The following CHD7 variants were observed in gnomAD, a reference collection of about 807,000 sequenced individuals.
CHD7 encodes the protein chromodomain helicase DNA binding protein 7, also known as ATP-dependent chromatin remodeler CHD7.
In CHD7, 24 loss-of-function variants were observed where a neutral mutation model predicts 307.3. The ratio of observed to expected loss-of-function variants is 0.08; its 90% CI spans 0.06 to 0.11. The LOEUF is 0.11. CHD7 is among the 10% of genes least tolerant of loss of function. CHD7 has a pLI of 1.00. For missense variants in CHD7, 3,106 were observed against 3,727.1 expected, an observed-to-expected ratio of 0.83 and a Z score of 4.34; for synonymous variants, 1,363 against 1,349.9, an observed-to-expected ratio of 1.01 and a Z score of -0.21.
At chr8:60,701,458 G>A (rs1036897347) in intron 1 of CHD7, among the ~76,000 whole-genome samples, 3 of 152,200 alleles carry the variant, frequency 2.0e-5, no homozygotes, top group Non-Finnish European at 2.9e-5. Flanking sequence ...GGTTGGTTAG[G>A]ACAGATGGGA....
In CHD7 at chr8:60,753,993, T is replaced by A. The variant is rs1010580890; in HGVS notation, c.1665+10896T>A. Among the ~76,000 whole-genome samples the A allele has an allele frequency of 2.0e-5, 3 of 152,310 alleles. No homozygotes were observed. The East Asian group carries it at 5.8e-4, about 29-fold the overall frequency. On this transcript the variant is annotated intron_variant, in intron 2 of 37. Transcript: ENST00000423902. ...GCCATGTTAGATGCTAGAGTGGTAT[T>A]TCATACTGAATATAAATTTAATTCC... is the stretch of plus-strand genomic sequence containing the variant.
chr8:60,860,037 T>C (rs573565697), intron 34 of CHD7, among the ~76,000 whole-genome samples: 2 of 152,214 alleles, frequency 1.3e-5, no homozygotes, highest in South Asian at 4.1e-4. Flanking sequence ...GCCTGGGCCA[T>C]GGTAGAGCTG....
Position 60,794,860 on chromosome 8 carries a change from T to A in CHD7, c.2097-126T>A, listed in dbSNP as rs910468624. On this transcript the variant is annotated intron_variant, in intron 3 of 37. Transcript: ENST00000423902. ...CTTAATTGGGAGTTGCATTTAACTG[T>A]AAATAGCCAATATGTATGGATTTAT... is the stretch of plus-strand genomic sequence containing the variant. The A allele has an allele frequency of 4.7e-6, 4 of 849,054 alleles. No individual in the cohort carries two copies. The African/African-American group carries it at 6.8e-5, about 15-fold the overall frequency. 52.6% of individuals were successfully genotyped at this position (849,054 alleles called of 1,614,324 possible).
chr8:60,775,521 C>A (rs937940750), intron 2 of CHD7, among the ~76,000 whole-genome samples: 1 of 152,178 alleles, frequency 6.6e-6, no homozygotes, highest in Non-Finnish European at 1.5e-5. Flanking sequence ...TGGACAGATA[C>A]ACATGCTTAC....
intron 19 of CHD7, among the ~76,000 whole-genome samples, chr8:60,840,643 A>G (rs945274311): frequency 1.4e-5 from 2 of 147,428 alleles, no homozygotes; most frequent in Non-Finnish European, 3.0e-5. Context: ...TTTTTGACAG[A>G]GTCTTGCTCT....
chr8:60,714,885 C>G (rs1807507775), intron 1 of CHD7, among the ~76,000 whole-genome samples: 1 of 152,248 alleles, frequency 6.6e-6, no homozygotes, highest in Admixed American at 6.5e-5. Context: ...ATAGCTCTAT[C>G]AGAAAGGTGC....
At position 60,795,088 on chromosome 8, in the gene CHD7, A is replaced by G. The variant is rs775076971; in HGVS notation, c.2199A>G (p.Pro733=). The G allele has an allele frequency of 1.9e-6, 3 of 1,613,738 alleles. No homozygotes were observed. Among genetic ancestry groups the G allele is most frequent in the South Asian group, 1.1e-5 (1 of 91,056 alleles). ...CAGACTTAGACAAAACACCCCCACCATCTCCTCCTCCTGAAGAAGATGAGG... is the reference window on the plus strand; with the variant it reads ...CAGACTTAGACAAAACACCCCCACCGTCTCCTCCTCCTGAAGAAGATGAGG... ...ENSDLDKTPP[P]SPPPEEDEDP... Residue 733 remains proline, a synonymous_variant, in exon 4 of 38, where the codon CCA becomes CCG. Transcript: ENST00000423902.
At chr8:60,756,236 C>A (rs186786725) in intron 2 of CHD7, among the ~76,000 whole-genome samples, 1 of 152,184 alleles carries the variant, frequency 6.6e-6, no homozygotes, top group African/African-American at 2.4e-5. Context: ...CTTTGTGTTT[C>A]CACTTTTATT....
chr8:60,858,579 G>T (rs1805822655), intron 34 of CHD7, among the ~76,000 whole-genome samples: 1 of 152,110 alleles, frequency 6.6e-6, no homozygotes, highest in Non-Finnish European at 1.5e-5. Flanking sequence ...TTGTTATCAT[G>T]TTCAATATTT....
chr8:60,708,183 A>G lies in CHD7; in HGVS notation c.-175+29101A>G, dbSNP rs138705146. Among the ~76,000 whole-genome samples, 488 of 152,286 alleles carry G rather than the reference A, an allele frequency of 3.2e-3. 3 individuals are homozygous for G. Among genetic ancestry groups the G allele is most frequent in the African/African-American group, 0.01 (434 of 41,546 alleles). On this transcript the variant is annotated intron_variant, in intron 1 of 37. Coordinates refer to ENST00000423902, the MANE Select transcript of CHD7 (RefSeq NM_017780.4). ...GGAGGGCTTTTTGAATGAATCTGGG[A>G]TTATTTTTACACTGGGAATGGTGAC...
chr8:60,744,173 A>G (rs146802760), intron 2 of CHD7, among the ~76,000 whole-genome samples: 23 of 152,210 alleles, frequency 1.5e-4, no homozygotes, highest in African/African-American at 2.2e-4. Context: ...TTGCTAAACA[A>G]GGGCACGGGA....
chr8:60,711,014 TATC>T (rs1281373478), intron 1 of CHD7, among the ~76,000 whole-genome samples: 2 of 152,244 alleles, frequency 1.3e-5, no homozygotes, highest in Non-Finnish European at 2.9e-5. Context: ...TCCTTTTTTA[TATC>T]ATAAGTTACT....
At chr8:60,763,737 A>G (rs1586287572) in intron 2 of CHD7, among the ~76,000 whole-genome samples, 1 of 152,160 alleles carries the variant, frequency 6.6e-6, no homozygotes. Context: ...TAAGCCCAGC[A>G]TAAGACTCCC....
chr8:60,740,362 T>C (rs1008298993), intron 1 of CHD7, among the ~76,000 whole-genome samples: 1 of 152,262 alleles, frequency 6.6e-6, no homozygotes, highest in East Asian at 1.9e-4. Flanking sequence ...ATAGTTGGTG[T>C]CCACAAAGTA....
chr8:60,707,012 T>C (rs952378963), intron 1 of CHD7, among the ~76,000 whole-genome samples: 7 of 152,094 alleles, frequency 4.6e-5, no homozygotes, highest in African/African-American at 1.7e-4. Flanking sequence ...ATGTTCCCCT[T>C]CCTGTGTCCA....
rs546905566 is a variant in CHD7, at chr8:60,808,195, C to T, written c.2443-22C>T. 2.6e-6 allele frequency: 4 copies of T among 1,549,288 alleles called. No homozygotes were observed. In the African/African-American group the frequency reaches 4.1e-5, roughly 16 times the overall value. ...CTAGTAGATGGTTTTAAATACATGC[C>T]TGAAATTTTCTTTTGTTGCAGAAGG... On this transcript the variant is annotated intron_variant, in intron 6 of 37. Transcript: ENST00000423902.
intron 3 of CHD7, among the ~76,000 whole-genome samples, chr8:60,790,840 T>TG (rs1222015162): frequency 6.6e-6 from 1 of 152,184 alleles, no homozygotes. Context: ...ATCCCTTGTA[T>TG]GGGGTACATC....
intron 6 of CHD7, among the ~76,000 whole-genome samples, chr8:60,804,199 T>A (rs1473328512): frequency 6.6e-6 from 1 of 152,228 alleles, no homozygotes; most frequent in African/African-American, 2.4e-5. Flanking sequence ...CATGAAATAG[T>A]TGGTGCCTAT....
Position 60,853,270 on chromosome 8 carries a change from C to G in CHD7, c.6545C>G (p.Ala2182Gly). The stretch of plus-strand genomic sequence containing the variant: ...AAAGTGGAGGAGCCTGAAAACCCAG[C>G]TGCCAAGGAGAAATGTGAGGGCAAA... ...EGKVEEPENP[A>G]AKEKCEGKEE... The change falls in exon 31 of 38, where the codon GCT becomes GGT. Residue 2182 changes from alanine (A) to glycine (G), a missense_variant. Ala to Gly is a moderately conservative substitution (Grantham distance 60). Transcript: ENST00000423902. 1.2e-6 allele frequency: 2 copies of G among 1,612,680 alleles called. No individual in the cohort carries two copies. The highest frequency in any genetic ancestry group is 8.5e-7 in the Non-Finnish European group (1 of 1,179,044).
Sources: allele counts gnomAD v4.1 joint callset (sites outside exome capture counted in the v4.1 genomes callset), GRCh38; gene constraint gnomAD v4.1.1; transcripts MANE v1.5; gene names NCBI Gene and HGNC (gene_info 2026-07-23, HGNC 2026-07-21).